Variants in GPR155 observed in about 807,000 individuals in gnomAD.
The protein encoded by GPR155 is lysosomal cholesterol signaling protein.
A neutral mutation model predicts 93.1 loss-of-function variants in GPR155; 65 were observed. The observed-to-expected ratio is 0.70, with a 90% CI of 0.57 to 0.86. GPR155 has a LOEUF of 0.86. GPR155 is among the 40% of genes least tolerant of loss of function. The pLI is 0.00. For missense variants in GPR155, 838 were observed against 1,034.8 expected, an observed-to-expected ratio of 0.81 and a Z score of 2.61; for synonymous variants, 319 against 360.1, an observed-to-expected ratio of 0.89 and a Z score of 1.29.
intron 5 of GPR155, among the ~76,000 whole-genome samples, chr2:174,467,411 G>A (rs893196501): frequency 6.6e-6 from 1 of 152,076 alleles, no homozygotes; most frequent in Admixed American, 6.5e-5. Context: ...AACCCAGGAG[G>A]GAGAAGTTGC....
chr2:174,476,345 C>T (rs1318050722), intron 2 of GPR155, among the ~76,000 whole-genome samples: 1 of 152,216 alleles, frequency 6.6e-6, no homozygotes, highest in Non-Finnish European at 1.5e-5. Flanking sequence ...GTGGCTCATG[C>T]CTGTAATCCC....
intron 14 of GPR155, among the ~76,000 whole-genome samples, chr2:174,440,824 T>C (rs764001996): frequency 1.2e-4 from 18 of 152,198 alleles, no homozygotes; most frequent in Admixed American, 2.6e-4. Context: ...AAGAAATCCC[T>C]GATCTTAATT....
intron 15 of GPR155, 115 bp downstream of exon 15, chr2:174,439,783 A>G (rs1686899031): frequency 1.7e-5 from 14 of 822,838 alleles, no homozygotes. Context: ...ATGCATATGT[A>G]AAAATAATCA....
intron 11 of GPR155, 68 bp from the exon 12 acceptor site, chr2:174,446,815 T>C (rs1159003380): frequency 1.4e-6 from 2 of 1,425,304 alleles, no homozygotes; most frequent in Admixed American, 1.8e-5. Context: ...AAATTTGTAA[T>C]GACTTCCTAA....
chr2:174,483,855 G>T (rs918929176), intron 1 of GPR155, among the ~76,000 whole-genome samples: 2 of 152,138 alleles, frequency 1.3e-5, no homozygotes, highest in Non-Finnish European at 2.9e-5. Context: ...AAAATGCTGG[G>T]ATTATAGGTG....
chr2:174,481,702 T>C lies in GPR155; in HGVS notation c.255A>G (p.Leu85=), dbSNP rs749952667. The change falls in exon 2 of 16, where the codon TTA becomes TTG. Residue 85 remains leucine (L), a synonymous_variant. Transcript: ENST00000392552. The part of the protein sequence containing the change: ...NFVSRFALPA[L]LFKNMVVLNF... ...TAAGTACAACCATGTTTTTGAATAA[T>C]AAAGCTGGAAGTGCAAATCTGGAGA... 1.8e-5 allele frequency: 29 copies of C among 1,614,040 alleles called. No homozygotes were observed. The highest frequency in any genetic ancestry group is 2.4e-5 in the Non-Finnish European group (28 of 1,180,004).
At chr2:174,485,286 A>G (rs1688441597) in intron 1 of GPR155, among the ~76,000 whole-genome samples, 1 of 152,120 alleles carries the variant, frequency 6.6e-6, no homozygotes, top group Non-Finnish European at 1.5e-5. Flanking sequence ...TTGAAAAATT[A>G]AAAAACAAAA....
chr2:174,473,660 T>A (rs1467149043), intron 2 of GPR155, among the ~76,000 whole-genome samples: 1 of 152,200 alleles, frequency 6.6e-6, no homozygotes, highest in Non-Finnish European at 1.5e-5. Flanking sequence ...TTGTAGAATT[T>A]TTAGAAGAAA....
intron 10 of GPR155, among the ~76,000 whole-genome samples, chr2:174,454,122 T>C (rs1370799107): frequency 6.6e-6 from 1 of 151,912 alleles, no homozygotes; most frequent in African/African-American, 2.4e-5. Flanking sequence ...AAGGCTAGGA[T>C]TTTGTTTTGT....
In GPR155 at chr2:174,481,768, A is replaced by G. The variant is rs1159622166; in HGVS notation, c.189T>C (p.Asn63=). ...VLCGYIAGRA[N]VITSTQAKGL... is the part of the protein sequence containing the mutation. The stretch of plus-strand genomic sequence containing the variant: ...CTTTGGCCTGGGTTGATGTTATGAC[A>G]TTGGCCCTTCCTGCTATGTAGCCAC... The change falls in exon 2 of 16, where the codon AAT becomes AAC. Residue 63 remains asparagine (N), a synonymous_variant. Transcript: ENST00000392552. The G allele has an allele frequency of 6.2e-6, 10 of 1,614,218 alleles. No individual in the cohort carries two copies. The highest frequency in any genetic ancestry group is 8.5e-6 in the Non-Finnish European group (10 of 1,180,030).
At chr2:174,449,112 A>G (rs1687243530) in intron 11 of GPR155, among the ~76,000 whole-genome samples, 1 of 152,214 alleles carries the variant, frequency 6.6e-6, no homozygotes, top group Non-Finnish European at 1.5e-5. Context: ...AAGACATACA[A>G]GCGGCCAACA....
intron 15 of GPR155, among the ~76,000 whole-genome samples, chr2:174,436,771 C>T (rs1242198760): frequency 1.3e-5 from 2 of 152,206 alleles, no homozygotes; most frequent in African/African-American, 4.8e-5. Context: ...ATAATTTATA[C>T]TTTTAGTTAT....
intron 11 of GPR155, among the ~76,000 whole-genome samples, chr2:174,448,788 C>T (rs1687232828): frequency 6.6e-6 from 1 of 151,872 alleles, no homozygotes; most frequent in African/African-American, 2.4e-5. Context: ...CCACCCGCCT[C>T]GGCCTCCCAA....
intron 6 of GPR155, 75 bp from the exon 7 acceptor site, chr2:174,465,977 C>G: frequency 1.5e-6 from 1 of 655,780 alleles, no homozygotes; most frequent in Non-Finnish European, 2.7e-6. Flanking sequence ...ACAGAAAATT[C>G]CAATTAAGCC....
rs1686702624 is a variant in GPR155 at position 174,433,901 on chromosome 2, A to G, written c.*2215T>C. 6.6e-6 allele frequency: 1 copy of G among 152,152 alleles called. No homozygotes were observed. The highest frequency in any genetic ancestry group is 1.5e-5 in the Non-Finnish European group (1 of 68,032). 9.4% of individuals were successfully genotyped at this position (152,152 alleles called of 1,614,324 possible). On this transcript the variant is annotated 3_prime_UTR_variant, in exon 16 of 16. Coordinates refer to ENST00000392552, the MANE Select transcript of GPR155 (RefSeq NM_152529.7). ...AAGGCAACATTTAGTAATTTTAAAA[A>G]TTATATATTTTTATACATGGACACT...
intron 10 of GPR155, among the ~76,000 whole-genome samples, chr2:174,454,588 G>C (rs1687432753): frequency 6.6e-6 from 1 of 150,858 alleles, no homozygotes; most frequent in African/African-American, 2.4e-5. Context: ...CCAGGAGTTT[G>C]AGATTACAGG....
At chr2:174,439,331 C>G (rs540249689) in intron 15 of GPR155, among the ~76,000 whole-genome samples, 2 of 151,818 alleles carry the variant, frequency 1.3e-5, no homozygotes, top group African/African-American at 4.8e-5. Flanking sequence ...CTGTATACTT[C>G]GTTTATAAAA....
In GPR155 at chr2:174,475,684, G is replaced by T. The variant is rs376903107; in HGVS notation, c.461-2320C>A. On this transcript the variant is annotated intron_variant, in intron 2 of 15. Transcript: ENST00000392552. ...GTGGTTTTCTTTCAGGTTTCATAAGGCTTCATCTTTTAAACAAAAAGCAGC... is the reference window on the plus strand; with the variant it reads ...GTGGTTTTCTTTCAGGTTTCATAAGTCTTCATCTTTTAAACAAAAAGCAGC... Among the ~76,000 whole-genome samples the T allele has an allele frequency of 7.9e-5, 12 of 152,024 alleles. No individual in the cohort carries two copies. In the East Asian group the frequency reaches 1.4e-3, roughly 17 times the overall value.
At chr2:174,455,113 A>G (rs1199557191) in intron 10 of GPR155, among the ~76,000 whole-genome samples, 1 of 152,190 alleles carries the variant, frequency 6.6e-6, no homozygotes, top group Non-Finnish European at 1.5e-5. Context: ...AGATATGCTA[A>G]TTACCCTGAT....
Sources: gnomAD v4.1 joint callset for allele counts (sites outside exome capture counted in the v4.1 genomes callset) on GRCh38, gnomAD v4.1.1 for gene constraint, MANE v1.5 for transcripts, NCBI Gene and HGNC (gene_info 2026-07-23, HGNC 2026-07-21) for gene names.